The following PDLIM3 variants were observed in gnomAD, a reference collection of about 807,000 sequenced individuals.
The protein encoded by PDLIM3 is PDZ and LIM domain 3.
PDLIM3 carries 36 observed loss-of-function variants against 37.3 expected under a neutral mutation model. The observed-to-expected ratio is 0.97, with a 90% confidence interval of 0.74 to 1.28. PDLIM3 has a LOEUF of 1.28. PDLIM3 is among the 50% of genes most tolerant of loss of function. The pLI is 0.00. For missense variants in PDLIM3, 454 were observed against 485.0 expected (o/e 0.94, Z 0.60); for synonymous variants, 174 against 182.4 (o/e 0.95, Z 0.37).
At chr4:185,512,319 G>A (rs1480088111) in intron 4 of PDLIM3, 1 of 152,202 alleles carries the variant, frequency 6.6e-6, no homozygotes, top group Non-Finnish European at 1.5e-5. Context: ...CTGACCTTGT[G>A]ATTCGCCCAC....
At chr4:185,527,781 G>A (rs1208257640) in intron 1 of PDLIM3, among the ~76,000 whole-genome samples, 2 of 152,230 alleles carry the variant, frequency 1.3e-5, no homozygotes, top group African/African-American at 2.4e-5. Flanking sequence ...CAGGCATGAT[G>A]CCTCATGCCT....
rs764271627 is a variant in PDLIM3 at position 185,508,553 on chromosome 4, G to A, written c.408C>T (p.Ser136=). 7.4e-6 allele frequency: 12 copies of A among 1,613,810 alleles called. No homozygotes were observed. The highest frequency in any genetic ancestry group is 5.5e-5 in the South Asian group (5 of 91,068). ...TGCCACAGTCAATCCCGGAGGGAGT[G>A]CTGCATCCACTGTGTTAATGGATAC... ...FVIPGRSSGC[S]TPSGIDCGSG... is the part of the protein sequence containing the mutation. The change falls in exon 5 of 8, where the codon AGC becomes AGT. Residue 136 remains serine (S), a synonymous_variant. Coordinates refer to ENST00000284767, the MANE Select transcript of PDLIM3 (RefSeq NM_014476.6).
Position 185,523,381 on chromosome 4 carries a change from T to G in PDLIM3, c.311A>C (p.Asn104Thr). ...EDGKAHPFKI[N>T]LESEPQDGNY... ...GCATACCTGTGGTTCTGATTCTAAG[T>G]TGATTTTGAAAGGATGGGCTTTCCC... Residue 104 changes from asparagine (N) to threonine (T), a missense_variant, in exon 3 of 8, where the codon AAC becomes ACC. Transcript: ENST00000284767. The G allele has an allele frequency of 1.9e-6, 3 of 1,610,300 alleles. No homozygotes were observed. The highest frequency in any genetic ancestry group is 2.5e-6 in the Non-Finnish European group (3 of 1,176,692).
At position 185,507,724 on chromosome 4, in the gene PDLIM3, C is replaced by T. The variant is rs143308891; in HGVS notation, c.662+575G>A. On this transcript the variant is annotated intron_variant, in intron 5 of 7. Transcript: ENST00000284767. Reference sequence around the variant, plus strand: ...AAAGAAAAAATTAGTCAAAAAGAGACCAGCAAAAATTAAATATCTACATTA... The same window carrying T: ...AAAGAAAAAATTAGTCAAAAAGAGATCAGCAAAAATTAAATATCTACATTA... Among the ~76,000 whole-genome samples the T allele has an allele frequency of 1.1e-4, 17 of 152,086 alleles. No homozygotes were observed. In the East Asian group the frequency reaches 3.1e-3, roughly 28 times the overall value.
In PDLIM3 at chr4:185,535,360, C is replaced by T. The variant is rs755124850; in HGVS notation, c.75G>A (p.Gln25=). 3.7e-6 allele frequency: 6 copies of T among 1,608,734 alleles called. No individual in the cohort carries two copies. The highest frequency in any genetic ancestry group is 2.2e-5 in the East Asian group (1 of 44,486). ...CACCTACCCTGGTGATGACCAAAGGCTGGTTGAAGTCTATGCCCCCTGAGA... is the reference window on the plus strand; with the variant it reads ...CACCTACCCTGGTGATGACCAAAGGTTGGTTGAAGTCTATGCCCCCTGAGA... ...FRLSGGIDFN[Q]PLVITRITPG... is the part of the protein sequence containing the mutation. Residue 25 remains glutamine (Q), a synonymous_variant, in exon 1 of 8, where the codon CAG becomes CAA. Coordinates refer to ENST00000284767, the MANE Select transcript of PDLIM3 (RefSeq NM_014476.6).
Position 185,529,673 on chromosome 4 carries a change from C to G in PDLIM3, c.94-4502G>C, listed in dbSNP as rs1055887978. Reference sequence around the variant, plus strand: ...CCTGGGCATGGCTGTGTTCAGAAGTCACATGGGCGGCTTTAACATGCTGCC... The same window carrying G: ...CCTGGGCATGGCTGTGTTCAGAAGTGACATGGGCGGCTTTAACATGCTGCC... On this transcript the variant is annotated intron_variant, in intron 1 of 7. Coordinates refer to ENST00000284767, the MANE Select transcript of PDLIM3 (RefSeq NM_014476.6). 2.0e-5 allele frequency among the ~76,000 whole-genome samples: 3 copies of G among 152,222 alleles called. No homozygotes were observed. In the East Asian group the frequency reaches 5.8e-4, roughly 29 times the overall value.
chr4:185,510,539 A>T (rs1474123463), intron 4 of PDLIM3, among the ~76,000 whole-genome samples: 2 of 152,182 alleles, frequency 1.3e-5, no homozygotes, highest in Non-Finnish European at 2.9e-5. Flanking sequence ...ACCTATGTGT[A>T]TTGTATACAT....
chr4:185,502,258 G>C lies in PDLIM3; in HGVS notation c.*36C>G. 1 of 1,599,816 alleles carries C rather than the reference G, an allele frequency of 6.3e-7. No individual in the cohort carries two copies. ...ATGTCTTCTCGTGTAAGTGCGCGTG[G>C]GTGGGTGCGTGCGTGCGTGCCACGC... On this transcript the variant is annotated 3_prime_UTR_variant, in exon 8 of 8. Coordinates refer to ENST00000284767, the MANE Select transcript of PDLIM3 (RefSeq NM_014476.6).
At chr4:185,513,810 T>C (rs533589377) in intron 4 of PDLIM3, 2 of 1,056,162 alleles carry the variant, frequency 1.9e-6, no homozygotes, top group African/African-American at 3.4e-5. Context: ...AAGGATGATC[T>C]GAAGATGATC....
chr4:185,527,282 A>G (rs182121688), intron 1 of PDLIM3, among the ~76,000 whole-genome samples: 21 of 152,362 alleles, frequency 1.4e-4, no homozygotes, highest in African/African-American at 3.6e-4. Flanking sequence ...GATTATTTCT[A>G]ATGCTTTATT....
chr4:185,508,170 C>T, intron 5 of PDLIM3, 129 bp downstream of exon 5: 3 of 913,310 alleles, frequency 3.3e-6, no homozygotes, highest in Non-Finnish European at 5.4e-6. Context: ...TGCAGTAAAT[C>T]CTTAGTATTT....
At chr4:185,533,010 G>A (rs1438967142) in intron 1 of PDLIM3, among the ~76,000 whole-genome samples, 2 of 152,136 alleles carry the variant, frequency 1.3e-5, no homozygotes, top group Admixed American at 6.6e-5. Context: ...GGCTTTGGAG[G>A]CACACAGACC....
At chr4:185,533,773 ATGAT>A (rs1279812679) in intron 1 of PDLIM3, among the ~76,000 whole-genome samples, 1 of 151,930 alleles carries the variant, frequency 6.6e-6, no homozygotes, top group Non-Finnish European at 1.5e-5. Flanking sequence ...TTTCAAGCAT[ATGAT>A]TAATTATATT....
In PDLIM3 at chr4:185,503,714, G is replaced by A. The variant is rs553048828; in HGVS notation, c.905+761C>T. Among the ~76,000 whole-genome samples, 17 of 152,306 alleles carry A rather than the reference G, an allele frequency of 1.1e-4. No homozygotes were observed. The South Asian group carries it at 2.7e-3, about 24-fold the overall frequency. On this transcript the variant is annotated intron_variant, in intron 7 of 7. Coordinates refer to ENST00000284767, the MANE Select transcript of PDLIM3 (RefSeq NM_014476.6). ...TGTAATCCCAGCACTTTGGGAGGCC[G>A]AGGCGGGTGGATCACCTGAGGTCAG...
At chr4:185,532,546 C>T (rs577371719) in intron 1 of PDLIM3, among the ~76,000 whole-genome samples, 3 of 152,162 alleles carry the variant, frequency 2.0e-5, no homozygotes, top group East Asian at 1.9e-4. Context: ...AGCAAAGACA[C>T]GTCAGGGAAA....
chr4:185,530,090 AGT>A (rs1287710584), intron 1 of PDLIM3, among the ~76,000 whole-genome samples: 2 of 152,308 alleles, frequency 1.3e-5, no homozygotes, highest in African/African-American at 4.8e-5. Context: ...ATATGCCCAC[AGT>A]GTCTTTCACA....
chr4:185,530,784 C>T (rs549150290), intron 1 of PDLIM3, among the ~76,000 whole-genome samples: 1 of 152,234 alleles, frequency 6.6e-6, no homozygotes, highest in East Asian at 1.9e-4. Flanking sequence ...AGCGTATCCA[C>T]CTTGTCTATG....
chr4:185,506,547 G>T lies in PDLIM3; in HGVS notation c.768C>A (p.Leu256=). The T allele has an allele frequency of 6.2e-7, 1 of 1,613,680 alleles. No individual in the cohort carries two copies. ...CAGAGCCATCGTCCACCATTCCCTG[G>T]AGCACTCTGAAGGAGCCCGACTGGC... The part of the protein sequence containing the change: ...QPRQSGSFRV[L]QGMVDDGSDD... Residue 256 remains leucine, a synonymous_variant, in exon 6 of 8, where the codon CTC becomes CTA. Transcript: ENST00000284767.
intron 4 of PDLIM3, chr4:185,512,575 C>T (rs751060330): frequency 1.7e-4 from 130 of 772,468 alleles, no homozygotes; most frequent in Non-Finnish European, 1.9e-4. Flanking sequence ...GATTATATAC[C>T]TAGGATTCTC....
Sources: allele counts gnomAD v4.1 joint callset (sites outside exome capture counted in the v4.1 genomes callset), GRCh38; gene constraint gnomAD v4.1.1; transcripts MANE v1.5; gene names NCBI Gene and HGNC (gene_info 2026-07-23, HGNC 2026-07-21).